CXCL13: variants seen among roughly 807,000 people sequenced by gnomAD.
CXCL13 encodes C-X-C motif chemokine 13.
A neutral mutation model predicts 12.2 loss-of-function variants in CXCL13; 7 were observed. That is an observed-to-expected ratio of 0.57 (90% CI 0.33 to 1.07). The LOEUF is 1.07. Among genes scored for constraint, CXCL13 ranks in the 50% least tolerant of loss-of-function variants. The probability of loss-of-function intolerance (pLI) is 0.04; values close to 1 mark genes in which losing one functional copy is unlikely to be tolerated. For missense variants in CXCL13, 113 were observed against 127.4 expected (o/e 0.89, Z 0.55); for synonymous variants, 47 against 42.4 (o/e 1.11, Z -0.42).
intron 1 of CXCL13, among the ~76,000 whole-genome samples, chr4:77,517,327 T>A (rs1019997757): frequency 1.3e-5 from 2 of 152,192 alleles, no homozygotes; most frequent in African/African-American, 4.8e-5. Context: ...TTAGGTCCAC[T>A]TGGTGCAGAG....
At chr4:77,530,654 T>C (rs1331862379) in intron 1 of CXCL13, among the ~76,000 whole-genome samples, 2 of 152,178 alleles carry the variant, frequency 1.3e-5, no homozygotes, top group Non-Finnish European at 2.9e-5. Context: ...ATCTATTTGA[T>C]TCTTCTCTCT....
chr4:77,549,068 C>T (rs952225835), intron 1 of CXCL13, among the ~76,000 whole-genome samples: 1 of 152,134 alleles, frequency 6.6e-6, no homozygotes, highest in Non-Finnish European at 1.5e-5. Context: ...CTTCTCTTCT[C>T]ACTTCATTTC....
At chr4:77,571,184 C>T (rs6824240) in intron 1 of CXCL13, among the ~76,000 whole-genome samples, 8,910 of 151,926 alleles carry the variant, frequency 0.059, 1,058 homozygotes, top group African/African-American at 0.21. Flanking sequence ...GTAAACACAC[C>T]AATCAGCACC....
In CXCL13 at chr4:77,522,970, C is replaced by A. The variant is rs1015828535; in HGVS notation, c.-43+11182C>A. Among the ~76,000 whole-genome samples the A allele has an allele frequency of 2.6e-5, 4 of 152,076 alleles. No individual in the cohort carries two copies. The East Asian group carries it at 7.7e-4, about 29-fold the overall frequency. ...TTTTATTTCTCCTTTGCTTATGAATCTTAGTTTGGCTGGATATTAAATTCT... is the reference window on the plus strand; with the variant it reads ...TTTTATTTCTCCTTTGCTTATGAATATTAGTTTGGCTGGATATTAAATTCT... On this transcript the variant is annotated intron_variant, in intron 1 of 4. Coordinates refer to the CXCL13 transcript ENST00000286758.
intron 1 of CXCL13, among the ~76,000 whole-genome samples, chr4:77,548,508 C>G (rs1725430829): frequency 1.3e-5 from 2 of 152,212 alleles, no homozygotes; most frequent in Admixed American, 1.3e-4. Flanking sequence ...GGGAGCAATA[C>G]TGTGGCTATC....
chr4:77,586,414 A>C (rs1186813554), intron 1 of CXCL13, among the ~76,000 whole-genome samples: 3 of 152,172 alleles, frequency 2.0e-5, no homozygotes, highest in Non-Finnish European at 2.9e-5. Context: ...GAAGTTTGCT[A>C]TATCTCCGGT....
At chr4:77,558,793 T>C (rs1373552836) in intron 1 of CXCL13, among the ~76,000 whole-genome samples, 2 of 152,244 alleles carry the variant, frequency 1.3e-5, no homozygotes, top group Non-Finnish European at 2.9e-5. Flanking sequence ...CAGGTCTGCC[T>C]ATGTTATGAG....
chr4:77,523,979 A>G (rs761913830), intron 1 of CXCL13, among the ~76,000 whole-genome samples: 10 of 152,074 alleles, frequency 6.6e-5, no homozygotes, highest in Non-Finnish European at 1.2e-4. Context: ...TCAGCTGCAG[A>G]TCTGTTGGAG....
Position 77,532,298 on chromosome 4 carries a change from A to C in CXCL13, c.-43+20510A>C, listed in dbSNP as rs560832823. 1.3e-4 allele frequency among the ~76,000 whole-genome samples: 20 copies of C among 152,154 alleles called. No homozygotes were observed. In the South Asian group the frequency reaches 4.1e-3, roughly 32 times the overall value. ...CTGTAAAGTATTTTATTTCTCCTTC[A>C]CTTATGAAGCTTAGTTTGGCTGGAG... On this transcript the variant is annotated intron_variant, in intron 1 of 4. Transcript: ENST00000286758.
intron 2 of CXCL13, 57 bp downstream of exon 2, chr4:77,607,892 ATG>A: frequency 6.5e-7 from 1 of 1,542,324 alleles, no homozygotes; most frequent in South Asian, 1.1e-5. Context: ...ATCAGATCAA[ATG>A]TTACCATACA....
intron 1 of CXCL13, among the ~76,000 whole-genome samples, chr4:77,595,514 G>A (rs747302451): frequency 2.0e-5 from 3 of 152,258 alleles, no homozygotes; most frequent in Admixed American, 6.5e-5. Context: ...TGAACCATGC[G>A]GGAAGATCAA....
chr4:77,602,870 A>C (rs552347751), upstream of CXCL13, among the ~76,000 whole-genome samples: 11 of 152,286 alleles, frequency 7.2e-5, no homozygotes, highest in East Asian at 2.1e-3. Context: ...GATATCATGT[A>C]GTGTTGGACT....
intron 1 of CXCL13, among the ~76,000 whole-genome samples, chr4:77,565,471 T>C (rs940583961): frequency 3.9e-5 from 6 of 152,226 alleles, no homozygotes; most frequent in Admixed American, 6.5e-5. Flanking sequence ...ACTGTGAGTT[T>C]GTTTCTCACT....
intron 1 of CXCL13, among the ~76,000 whole-genome samples, chr4:77,542,996 C>G (rs559245485): frequency 1.3e-5 from 2 of 151,944 alleles, no homozygotes; most frequent in Non-Finnish European, 2.9e-5. Context: ...TGGTCTAGGG[C>G]TTTTCTCAGT....
Position 77,514,009 on chromosome 4 carries a change from T to C in CXCL13, c.-43+2221T>C, listed in dbSNP as rs575806993. On this transcript the variant is annotated intron_variant, in intron 1 of 4. Transcript: ENST00000286758. The stretch of plus-strand genomic sequence containing the variant: ...TGTGATGTTCCCCTTCCTGTGTCCA[T>C]GTGTTCTCATTGTTCAATTCCCACC... Among the ~76,000 whole-genome samples, 9 of 152,172 alleles carry C rather than the reference T, an allele frequency of 5.9e-5. 1 individual carries two copies. The South Asian group carries it at 1.2e-3, about 21-fold the overall frequency.
chr4:77,552,296 C>T (rs187153338), intron 1 of CXCL13, among the ~76,000 whole-genome samples: 269 of 152,006 alleles, frequency 1.8e-3, no homozygotes, highest in African/African-American at 6.2e-3. Context: ...TTTCCCTTTC[C>T]TTTCCCCGAC....
At chr4:77,522,314 A>G (rs985155469) in intron 1 of CXCL13, among the ~76,000 whole-genome samples, 6 of 151,876 alleles carry the variant, frequency 4.0e-5, no homozygotes, top group African/African-American at 1.2e-4. Context: ...ATTTTGTGGG[A>G]GTCTAAGTCT....
At chr4:77,530,333 A>G (rs1407682732) in intron 1 of CXCL13, among the ~76,000 whole-genome samples, 4 of 152,312 alleles carry the variant, frequency 2.6e-5, no homozygotes, top group East Asian at 3.9e-4. Context: ...ATTGATTGGA[A>G]TAGTTTCGGA....
chr4:77,573,916 C>A (rs1486064009), intron 1 of CXCL13, among the ~76,000 whole-genome samples: 2 of 151,930 alleles, frequency 1.3e-5, no homozygotes, highest in African/African-American at 4.9e-5. Context: ...CTTGTGAAAA[C>A]CATGTGCCAT....
Sources: allele counts gnomAD v4.1 joint callset (sites outside exome capture counted in the v4.1 genomes callset), GRCh38; gene constraint gnomAD v4.1.1; transcripts MANE v1.5; gene names NCBI Gene and HGNC (gene_info 2026-07-23, HGNC 2026-07-21).